COL7A1: variants seen among roughly 807,000 people sequenced by gnomAD.
COL7A1 encodes the protein collagen alpha-1(VII) chain.
Under a neutral mutation model 456.2 loss-of-function variants are expected in COL7A1, and 296 were observed. The ratio of observed to expected loss-of-function variants is 0.65; its 90% CI spans 0.59 to 0.71. The LOEUF is 0.71. Ranked by LOEUF, COL7A1 falls within the 30% of genes least tolerant of loss-of-function variation. The pLI is 0.00. For synonymous variants in COL7A1, 1,464 were observed against 1,525.9 expected (o/e 0.96, Z 0.95); for missense variants, 3,441 against 4,017.2 (o/e 0.86, Z 3.88).
chr3:48,581,504 G>C lies in COL7A1; in HGVS notation c.4783-21C>G, dbSNP rs1318973910. The C allele has an allele frequency of 1.2e-6, 2 of 1,613,962 alleles. No individual in the cohort carries two copies. The highest frequency in any genetic ancestry group is 1.7e-6 in the Non-Finnish European group (2 of 1,180,006). On this transcript the variant is annotated intron_variant, in intron 50 of 118. Coordinates refer to ENST00000681320, the MANE Select transcript of COL7A1 (RefSeq NM_000094.4). This position sits in a 1 kb window ranked among gnomAD's most constrained non-coding sequence, Gnocchi z 5.8. ...GGACCCTGAAGGGGACAGAAGGGGGGCAGGACTTAGTCAGGGTCCCACCAC... is the reference window on the plus strand; with the variant it reads ...GGACCCTGAAGGGGACAGAAGGGGGCCAGGACTTAGTCAGGGTCCCACCAC...
Position 48,581,843 on chromosome 3 carries a change from C to CA in COL7A1, c.4668+67dup. The CA allele has an allele frequency of 6.2e-7, 1 of 1,613,514 alleles. No individual in the cohort carries two copies. On this transcript the variant is annotated intron_variant, in intron 48 of 118. Coordinates refer to ENST00000681320, the MANE Select transcript of COL7A1 (RefSeq NM_000094.4). The surrounding 1 kb of genome is among the most constrained non-coding windows in gnomAD (Gnocchi z 5.8). Reference sequence around the variant, plus strand: ...GCAAGTCCTGTGACCCCCCAAGTCCCATAGATAGGCCCTATGACCTAGACC... The same window carrying CA: ...GCAAGTCCTGTGACCCCCCAAGTCCCAATAGATAGGCCCTATGACCTAGACC...
chr3:48,564,666 G>A lies in COL7A1; in HGVS notation c.8818+117C>T, dbSNP rs890927210. ...GCGTCTGCCCCAGGTCCCCTACTGC[G>A]AGGGAGCGTCTCCTCCAGGACCCTG... On this transcript the variant is annotated intron_variant, in intron 118 of 118. Transcript: ENST00000681320. The surrounding 1 kb of genome is among the most constrained non-coding windows in gnomAD (Gnocchi z 6.0). The A allele has an allele frequency of 2.4e-6, 3 of 1,245,612 alleles. No homozygotes were observed. The highest frequency in any genetic ancestry group is 1.5e-5 in the African/African-American group (1 of 66,332). The allele number at this position is 1,245,612 out of a possible 1,614,324, so 77.2% of individuals were successfully genotyped here. A position where few individuals can be genotyped will look rare whatever the true frequency, so the allele number is the denominator to read the frequency against.
At position 48,567,204 on chromosome 3, in the gene COL7A1, A is replaced by C. The variant is rs1244705875; in HGVS notation, c.8047-14T>G. 9 of 1,613,616 alleles carry C rather than the reference A, an allele frequency of 5.6e-6. No individual in the cohort carries two copies. Among genetic ancestry groups the C allele is most frequent in the African/African-American group, 1.3e-5 (1 of 74,862 alleles). ...GCCTCGGTCACCCTGGGAACAGAAGAAGCATGAGAGACCTTCTGCCCTGAC... is the reference window on the plus strand; with the variant it reads ...GCCTCGGTCACCCTGGGAACAGAAGCAGCATGAGAGACCTTCTGCCCTGAC... On this transcript the variant is annotated splice_polypyrimidine_tract_variant and intron_variant, in intron 109 of 118. Coordinates refer to ENST00000681320, the MANE Select transcript of COL7A1 (RefSeq NM_000094.4). This position sits in a 1 kb window ranked among gnomAD's most constrained non-coding sequence, Gnocchi z 4.3.
rs1360060010 is a variant in COL7A1, at chr3:48,588,618, C to T, written c.2587+24G>A. The T allele has an allele frequency of 5.6e-6, 9 of 1,613,682 alleles. No individual in the cohort carries two copies. The highest frequency in any genetic ancestry group is 7.6e-6 in the Non-Finnish European group (9 of 1,180,060). ...AACCATCCACACCACCCATCCGAAG[C>T]TCTCCAGCGCATGCTCTGCCTACGC... On this transcript the variant is annotated intron_variant, in intron 20 of 118. Coordinates refer to ENST00000681320, the MANE Select transcript of COL7A1 (RefSeq NM_000094.4). The surrounding 1 kb of genome is among the most constrained non-coding windows in gnomAD (Gnocchi z 4.6).
Position 48,574,894 on chromosome 3 carries a change from T to G in COL7A1, c.6280-29A>C. On this transcript the variant is annotated intron_variant, in intron 76 of 118. Transcript: ENST00000681320. The surrounding 1 kb of genome is among the most constrained non-coding windows in gnomAD (Gnocchi z 5.0). ...CAAACACAAGGTCACAGGGGAGAGATGTCTCTGTCATAGAGGCATGGGGGA... is the reference window on the plus strand; with the variant it reads ...CAAACACAAGGTCACAGGGGAGAGAGGTCTCTGTCATAGAGGCATGGGGGA... 2 of 1,612,466 alleles carry G rather than the reference T, an allele frequency of 1.2e-6. No individual in the cohort carries two copies. The highest frequency in any genetic ancestry group is 2.2e-5 in the East Asian group (1 of 44,824).
At position 48,587,045 on chromosome 3, in the gene COL7A1, C is replaced by A; in HGVS notation, c.3203G>T (p.Arg1068Leu). The A allele has an allele frequency of 1.9e-6, 3 of 1,608,736 alleles. No individual in the cohort carries two copies. The highest frequency in any genetic ancestry group is 2.7e-5 in the African/African-American group (2 of 74,918). ...CAGGACCCTCCTCGTAGCCTCCGCA[C>A]GGTGAGCATTGTCTTGAGTGGCATG... ...LPHATQDNAHRAEATRRVLER... is the reference protein window; with the variant it reads ...LPHATQDNAHLAEATRRVLER... The change falls in exon 25 of 119, where the codon CGT (arginine) becomes CTT (leucine). Residue 1068 changes from arginine to leucine, a missense_variant. By Grantham distance (102) the Arg-to-Leu change is moderately radical. Coordinates refer to ENST00000681320, the MANE Select transcript of COL7A1 (RefSeq NM_000094.4). This position sits in a 1 kb window ranked among gnomAD's most constrained non-coding sequence, Gnocchi z 6.1.
At chr3:48,576,840 G>T in intron 67 of COL7A1, 44 bp downstream of exon 67, 3 of 1,613,806 alleles carry the variant, frequency 1.9e-6, no homozygotes, top group Non-Finnish European at 2.5e-6. Flanking sequence ...TTCCCCCAGG[G>T]TCAGGGTCAG....
At position 48,588,246 on chromosome 3, in the gene COL7A1, A is replaced by T. The variant is rs748631619; in HGVS notation, c.2710+36T>A. On this transcript the variant is annotated intron_variant, in intron 21 of 118. Transcript: ENST00000681320. The surrounding 1 kb of genome is among the most constrained non-coding windows in gnomAD (Gnocchi z 4.6). ...CGGAGTCTGCCACAGCCCTGCCCCC[A>T]ATGGTCCCTAACTTCCTCCTGGGGA... The T allele has an allele frequency of 3.1e-6, 5 of 1,612,514 alleles. No homozygotes were observed. In the South Asian group the frequency reaches 5.5e-5, roughly 18 times the overall value.
Position 48,567,744 on chromosome 3 carries a change from C to A in COL7A1, c.7949G>T (p.Gly2650Val). Reference protein sequence around the residue: ...KGDKGEAGPPGRPGLAGHKGE... With the variant: ...KGDKGEAGPPVRPGLAGHKGE... The stretch of plus-strand genomic sequence containing the variant: ...TTTGTGTCCTGCCAGCCCGGGGCGG[C>A]CTGGGGGACCAGCTTCTCCCTGCAG... The change falls in exon 108 of 119, where the codon GGC becomes GTC. Residue 2650 changes from glycine to valine, a missense_variant. This residue lies in a region of COL7A1 where 2,084 missense variants were observed against 2,501.3 expected (regional missense o/e 0.83). Transcript: ENST00000681320. The surrounding 1 kb of genome is among the most constrained non-coding windows in gnomAD (Gnocchi z 4.3). 1 of 1,614,164 alleles carries A rather than the reference C, an allele frequency of 6.2e-7. No individual in the cohort carries two copies. Among genetic ancestry groups the A allele is most frequent in the Non-Finnish European group, 8.5e-7 (1 of 1,180,036 alleles).
At position 48,589,363 on chromosome 3, in the gene COL7A1, C is replaced by T. The variant is rs747563707; in HGVS notation, c.2278G>A (p.Val760Met). The change falls in exon 18 of 119, where the codon GTG (valine) becomes ATG (methionine). Residue 760 changes from valine (V) to methionine (M), a missense_variant. By Grantham distance (21) the Val-to-Met change is conservative. Around this residue, in one of 3 missense-constraint regions of COL7A1, gnomAD observed 913 missense variants for 1,088.2 expected, o/e 0.84. Coordinates refer to ENST00000681320, the MANE Select transcript of COL7A1 (RefSeq NM_000094.4). ...ACCACAGAGGCAGGGGGCCCATCCA[C>T]GCCAGCCACATGGGCCCTCACATGC... ...TVHVRAHVAG[V>M]DGPPASVVVR... 22 of 1,612,612 alleles carry T rather than the reference C, an allele frequency of 1.4e-5. 1 individual carries two copies. The South Asian group carries it at 1.5e-4, about 11-fold the overall frequency.
Position 48,566,503 on chromosome 3 carries a change from C to A in COL7A1, c.8358+7G>T. ...GCCCTCCCAGGCCCATCCAGGCCCACACTCACCGTCAGTGCAGCTTCTCCC... is the reference window on the plus strand; with the variant it reads ...GCCCTCCCAGGCCCATCCAGGCCCAAACTCACCGTCAGTGCAGCTTCTCCC... On this transcript the variant is annotated splice_region_variant and intron_variant, in intron 113 of 118. Coordinates refer to ENST00000681320, the MANE Select transcript of COL7A1 (RefSeq NM_000094.4). The surrounding 1 kb of genome is among the most constrained non-coding windows in gnomAD (Gnocchi z 5.9). 6.2e-7 allele frequency: 1 copy of A among 1,614,034 alleles called. No homozygotes were observed. The highest frequency in any genetic ancestry group is 8.5e-7 in the Non-Finnish European group (1 of 1,179,998).
chr3:48,574,205 A>G lies in COL7A1; in HGVS notation c.6501+57T>C. ...CACAGACATGCACACACACAGCAGC[A>G]GCAGCACCTAGCGGAGGGTCCGGAG... On this transcript the variant is annotated intron_variant, in intron 80 of 118. Coordinates refer to ENST00000681320, the MANE Select transcript of COL7A1 (RefSeq NM_000094.4). This position sits in a 1 kb window ranked among gnomAD's most constrained non-coding sequence, Gnocchi z 5.0. 2 of 1,600,000 alleles carry G rather than the reference A, an allele frequency of 1.3e-6. No homozygotes were observed. The highest frequency in any genetic ancestry group is 1.7e-6 in the Non-Finnish European group (2 of 1,168,128).
Position 48,590,374 on chromosome 3 carries a change from T to C in COL7A1, c.1907-18A>G, listed in dbSNP as rs1020864345. 1.2e-6 allele frequency: 2 copies of C among 1,613,810 alleles called. No homozygotes were observed. The highest frequency in any genetic ancestry group is 2.2e-5 in the East Asian group (1 of 44,884). On this transcript the variant is annotated intron_variant, in intron 15 of 118. Transcript: ENST00000681320. This position sits in a 1 kb window ranked among gnomAD's most constrained non-coding sequence, Gnocchi z 4.6. ...CTCCGGACCTGAGGTCAGAGGGAAATGCTGGCATGGCTCCTGCCTGTCCCC... is the reference window on the plus strand; with the variant it reads ...CTCCGGACCTGAGGTCAGAGGGAAACGCTGGCATGGCTCCTGCCTGTCCCC...
In COL7A1 at chr3:48,570,057, C is replaced by G. The variant is rs2043811524; in HGVS notation, c.7485+77G>C. On this transcript the variant is annotated intron_variant, in intron 99 of 118. Coordinates refer to ENST00000681320, the MANE Select transcript of COL7A1 (RefSeq NM_000094.4). This position sits in a 1 kb window ranked among gnomAD's most constrained non-coding sequence, Gnocchi z 5.5. Reference sequence around the variant, plus strand: ...AGGGCCAGAGGGCTAGGGAGGATGGCAGAGAGTCCTGGGGTACAAAGGGCA... The same window carrying G: ...AGGGCCAGAGGGCTAGGGAGGATGGGAGAGAGTCCTGGGGTACAAAGGGCA... The G allele has an allele frequency of 1.3e-6, 2 of 1,599,608 alleles. No homozygotes were observed. Among genetic ancestry groups the G allele is most frequent in the South Asian group, 2.2e-5 (2 of 90,766 alleles).
Position 48,567,411 on chromosome 3 carries a change from T to A in COL7A1, c.8046+163A>T. The A allele has an allele frequency of 1.9e-6, 2 of 1,038,504 alleles. No individual in the cohort carries two copies. The highest frequency in any genetic ancestry group is 2.5e-5 in the East Asian group (1 of 39,606). The allele number at this position is 1,038,504 out of a possible 1,614,324, so 64.3% of individuals were successfully genotyped here. On this transcript the variant is annotated intron_variant, in intron 109 of 118. Coordinates refer to ENST00000681320, the MANE Select transcript of COL7A1 (RefSeq NM_000094.4). This position sits in a 1 kb window ranked among gnomAD's most constrained non-coding sequence, Gnocchi z 4.3. ...TCCCATGCTTTCATCCTAACTCCAC[T>A]GTGACCCCAACCCACCTTGACACCT...
Position 48,567,106 on chromosome 3 carries a change from C to T in COL7A1, c.8109+22G>A. ...AAAGTGCACGCTCCCCTCAATTCAC[C>T]ATGACCATGGCTTCAACTCACCCGC... On this transcript the variant is annotated intron_variant, in intron 110 of 118. Transcript: ENST00000681320. The surrounding 1 kb of genome is among the most constrained non-coding windows in gnomAD (Gnocchi z 4.3). 6.2e-7 allele frequency: 1 copy of T among 1,613,692 alleles called. No homozygotes were observed. The highest frequency in any genetic ancestry group is 8.5e-7 in the Non-Finnish European group (1 of 1,179,844).
At position 48,589,418 on chromosome 3, in the gene COL7A1, A is replaced by C; in HGVS notation, c.2223T>G (p.Asp741Glu). 1 of 1,613,730 alleles carries C rather than the reference A, an allele frequency of 6.2e-7. No individual in the cohort carries two copies. The highest frequency in any genetic ancestry group is 8.5e-7 in the Non-Finnish European group (1 of 1,180,008). ...TATACTCAGTATCTGGCTCCAGTCC[A>C]TCCAGCTCAGCCACCGTGGCCTCCC... ...VSGEATVAEL[D>E]GLEPDTEYTV... The change falls in exon 18 of 119, where the codon GAT becomes GAG. Residue 741 changes from aspartate to glutamate, a missense_variant. Asp to Glu is a conservative substitution (Grantham distance 45). Transcript: ENST00000681320.
At chr3:48,576,964 C>G (rs1381114653) in intron 66 of COL7A1, 28 bp downstream of exon 66, 1 of 1,613,964 alleles carries the variant, frequency 6.2e-7, no homozygotes, top group Non-Finnish European at 8.5e-7. Flanking sequence ...AAGCAGAGAC[C>G]AGAGAGACCC....
Position 48,586,908 on chromosome 3 carries a change from C to T in COL7A1, c.3276+64G>A, listed in dbSNP as rs971349762. ...CTATTGGGTGGTCAGGAGATGGTAA[C>T]TGGTATGGAGCCTGGGTGGGGGGCC... On this transcript the variant is annotated intron_variant, in intron 25 of 118. Transcript: ENST00000681320. The surrounding 1 kb of genome is among the most constrained non-coding windows in gnomAD (Gnocchi z 5.1). 7 of 1,554,350 alleles carry T rather than the reference C, an allele frequency of 4.5e-6. No homozygotes were observed. The highest frequency in any genetic ancestry group is 6.1e-6 in the Non-Finnish European group (7 of 1,148,820).
Sources: gnomAD v4.1 joint callset for allele counts on GRCh38, gnomAD v4.1.1 for gene constraint, gnomAD v4.1.1 regional missense constraint, Gnocchi (gnomAD v3.1) non-coding constraint, MANE v1.5 for transcripts, NCBI Gene and HGNC (gene_info 2026-07-23, HGNC 2026-07-21) for gene names.